CHL1: variants seen among roughly 807,000 people sequenced by gnomAD.
CHL1 encodes the protein cell adhesion molecule L1 like.
CHL1 carries 96 observed loss-of-function variants against 141.9 expected under a neutral mutation model. The observed-to-expected ratio is 0.68, with a 90% confidence interval of 0.57 to 0.80. CHL1 has a LOEUF of 0.80. Among genes scored for constraint, CHL1 ranks in the 30% least tolerant of loss-of-function variants. The pLI is 0.00. For synonymous variants in CHL1, 613 were observed against 502.2 expected (o/e 1.22, Z -2.95); for missense variants, 1,820 against 1,457.2 (o/e 1.25, Z -4.05).
chr3:249,735 T>A (rs1388412157), intron 2 of CHL1, among the ~76,000 whole-genome samples: 1 of 152,152 alleles, frequency 6.6e-6, no homozygotes, highest in Non-Finnish European at 1.5e-5. Context: ...GAATTTAAGT[T>A]GGTCACAGAC....
At chr3:367,424 T>C (rs1232063374) in intron 15 of CHL1, among the ~76,000 whole-genome samples, 1 of 152,228 alleles carries the variant, frequency 6.6e-6, no homozygotes. Flanking sequence ...ATTAGATCTT[T>C]GAACTTAGAC....
chr3:243,751 T>C (rs139904814), intron 1 of CHL1, among the ~76,000 whole-genome samples: 10 of 152,284 alleles, frequency 6.6e-5, no homozygotes, highest in Admixed American at 2.6e-4. Context: ...GCCAAAGATG[T>C]AGTTTTATAA....
intron 2 of CHL1, among the ~76,000 whole-genome samples, chr3:313,680 A>G (rs2124999511): frequency 6.6e-6 from 1 of 152,294 alleles, no homozygotes; most frequent in East Asian, 1.9e-4. Context: ...TGGTGGAATG[A>G]TCTATAATTG....
chr3:325,869 A>G (rs1383051615), intron 3 of CHL1, 90 bp from the exon 4 acceptor site: 8 of 761,942 alleles, frequency 1.0e-5, no homozygotes, highest in South Asian at 7.2e-5. Flanking sequence ...ACTTATCAGT[A>G]TACAAAAGAG....
chr3:380,700 G>C (rs972933351), intron 16 of CHL1, among the ~76,000 whole-genome samples: 2 of 152,236 alleles, frequency 1.3e-5, no homozygotes, highest in South Asian at 4.1e-4. Context: ...TTGCTATAAT[G>C]AAAATTCATT....
Position 342,201 on chromosome 3 carries a change from C to T in CHL1, c.679+119C>T, listed in dbSNP as rs73817632. 699 of 756,598 alleles carry T rather than the reference C, an allele frequency of 9.2e-4. 3 individuals are homozygous for T. In the African/African-American group the frequency reaches 0.011, roughly 12 times the overall value. The allele number at this position is 756,598 out of a possible 1,614,324, so 46.9% of individuals were successfully genotyped here. On this transcript the variant is annotated intron_variant, in intron 7 of 27. Transcript: ENST00000256509. ...TATTTTGCACCATTGTGCAGTTCAA[C>T]TCTGGAGACTTCTTCCAGATGAAAT...
chr3:362,993 G>A lies in CHL1; in HGVS notation c.1419-224G>A, dbSNP rs559818950. On this transcript the variant is annotated intron_variant, in intron 13 of 27. Coordinates refer to ENST00000256509, the MANE Select transcript of CHL1 (RefSeq NM_006614.4). ...GGTGGCTATGACAAATACAGCAGAA[G>A]CACTGAGCATGGACTTGGATTTTCT... 4.6e-4 allele frequency among the ~76,000 whole-genome samples: 70 copies of A among 152,284 alleles called. 1 individual carries two copies. The highest frequency in any genetic ancestry group is 1.5e-3 in the African/African-American group (62 of 41,566).
At chr3:398,490 T>A in intron 25 of CHL1, 105 bp downstream of exon 25, 2 of 610,386 alleles carry the variant, frequency 3.3e-6, no homozygotes, top group Non-Finnish European at 5.4e-6. Flanking sequence ...CTGAGTGTAT[T>A]AATTATGAAA....
chr3:219,747 C>T (rs1700659010), intron 1 of CHL1, among the ~76,000 whole-genome samples: 1 of 152,128 alleles, frequency 6.6e-6, no homozygotes, highest in African/African-American at 2.4e-5. Context: ...CTAATGGGAA[C>T]TAGGCTTAAT....
chr3:385,262 T>C (rs907176573), intron 19 of CHL1, among the ~76,000 whole-genome samples: 2 of 152,174 alleles, frequency 1.3e-5, no homozygotes, highest in Non-Finnish European at 2.9e-5. Context: ...AAGCACATCA[T>C]GTTCCAGTAA....
chr3:379,751 T>G (rs1457670358), intron 16 of CHL1, among the ~76,000 whole-genome samples: 1 of 152,168 alleles, frequency 6.6e-6, no homozygotes, highest in Non-Finnish European at 1.5e-5. Flanking sequence ...CTACCAGTGT[T>G]TACAGAATAA....
chr3:337,328 C>G lies in CHL1; in HGVS notation c.386-3466C>G, dbSNP rs534984191. Among the ~76,000 whole-genome samples the G allele has an allele frequency of 3.4e-3, 513 of 149,548 alleles. 2 individuals are homozygous for G. The highest frequency in any genetic ancestry group is 0.012 in the African/African-American group (477 of 41,006). ...GCCTCAGCCTCCCGAGTAGCTGGGACCACAGGCGCCCGCCACCACGCCCGG... is the reference window on the plus strand; with the variant it reads ...GCCTCAGCCTCCCGAGTAGCTGGGAGCACAGGCGCCCGCCACCACGCCCGG... On this transcript the variant is annotated intron_variant, in intron 5 of 27. Coordinates refer to ENST00000256509, the MANE Select transcript of CHL1 (RefSeq NM_006614.4).
chr3:396,998 A>C (rs1433761267), intron 24 of CHL1, among the ~76,000 whole-genome samples: 1 of 152,162 alleles, frequency 6.6e-6, no homozygotes, highest in Non-Finnish European at 1.5e-5. Context: ...GTCATTTGGC[A>C]TTTGTTCAAA....
intron 27 of CHL1, among the ~76,000 whole-genome samples, chr3:405,146 T>C (rs576472987): frequency 6.6e-6 from 1 of 152,274 alleles, no homozygotes; most frequent in African/African-American, 2.4e-5. Flanking sequence ...ATAGGAAGCT[T>C]GGGAGGACAC....
At chr3:397,811 C>G (rs879699223) in intron 24 of CHL1, among the ~76,000 whole-genome samples, 7 of 151,658 alleles carry the variant, frequency 4.6e-5, no homozygotes, top group African/African-American at 1.7e-4. Flanking sequence ...ATGGAGAAGA[C>G]CAAAGCAAAA....
rs201354859 is a variant in CHL1, at chr3:249,163, CAGCGAAAT to C, written c.-95+4473_-95+4480del. ...TTGAGGTCTTGGAAAGGAAACAAAC[CAGCGAAAT>C]ATATCACTATTATCACCAACACAAC... is the stretch of plus-strand genomic sequence containing the variant. On this transcript the variant is annotated intron_variant, in intron 2 of 27. Transcript: ENST00000256509. Among the ~76,000 whole-genome samples, 260 of 152,264 alleles carry C rather than the reference CAGCGAAAT, an allele frequency of 1.7e-3. 1 individual carries two copies. The highest frequency in any genetic ancestry group is 5.9e-3 in the African/African-American group (244 of 41,562).
intron 2 of CHL1, among the ~76,000 whole-genome samples, chr3:259,121 C>T (rs916990469): frequency 1.3e-5 from 2 of 151,558 alleles, no homozygotes; most frequent in African/African-American, 4.9e-5. Context: ...GAGAATTTCA[C>T]CACATTTCAG....
chr3:214,164 G>A (rs1041176279), intron 1 of CHL1, among the ~76,000 whole-genome samples: 4 of 152,122 alleles, frequency 2.6e-5, no homozygotes, highest in African/African-American at 9.7e-5. Flanking sequence ...ATTGTGAGAC[G>A]ACCAAGAAAT....
intron 1 of CHL1, among the ~76,000 whole-genome samples, chr3:225,954 AG>A (rs1171635800): frequency 4.0e-5 from 6 of 150,798 alleles, no homozygotes; most frequent in Non-Finnish European, 8.8e-5. Flanking sequence ...GCTTGCAGTG[AG>A]CCGAGATAGC....
Sources: gnomAD v4.1 joint callset for allele counts (sites outside exome capture counted in the v4.1 genomes callset) on GRCh38, gnomAD v4.1.1 for gene constraint, MANE v1.5 for transcripts, NCBI Gene and HGNC (gene_info 2026-07-23, HGNC 2026-07-21) for gene names.